The following DNAH7 variants were observed in gnomAD, a reference collection of about 807,000 sequenced individuals.
DNAH7 encodes the protein axonemal beta dynein heavy chain 7.
DNAH7 carries 397 observed loss-of-function variants against 444.6 expected under a neutral mutation model. That is an observed-to-expected ratio of 0.89 (90% CI 0.82 to 0.97). The LOEUF (loss-of-function observed/expected upper bound fraction) is 0.97. DNAH7 is among the 50% of genes least tolerant of loss of function. The probability of loss-of-function intolerance (pLI) is 0.00; values close to 1 mark genes in which losing one functional copy is unlikely to be tolerated. For missense variants in DNAH7, 4,902 were observed against 4,800.8 expected (o/e 1.02, Z -0.62); for synonymous variants, 1,636 against 1,624.4 (o/e 1.01, Z -0.17).
chr2:195,805,696 C>A (rs1003361283), intron 54 of DNAH7, among the ~76,000 whole-genome samples: 5 of 152,040 alleles, frequency 3.3e-5, no homozygotes, highest in Non-Finnish European at 5.9e-5. Flanking sequence ...GGATTATATT[C>A]TTCTGATTTT....
intron 56 of DNAH7, among the ~76,000 whole-genome samples, chr2:195,794,772 T>C (rs1696058094): frequency 6.6e-6 from 1 of 152,188 alleles, no homozygotes; most frequent in South Asian, 2.1e-4. Context: ...ATTCATATGA[T>C]TATAAAGTTT....
intron 20 of DNAH7, among the ~76,000 whole-genome samples, chr2:195,935,933 C>A (rs572695541): frequency 6.6e-6 from 1 of 152,074 alleles, no homozygotes; most frequent in African/African-American, 2.4e-5. Flanking sequence ...GCAGAGTGAG[C>A]AAGAAGACTA....
intron 1 of DNAH7, among the ~76,000 whole-genome samples, chr2:196,063,083 C>T (rs754857647): frequency 4.6e-5 from 7 of 152,040 alleles, no homozygotes; most frequent in South Asian, 2.1e-4. Context: ...GGTTTCGCTA[C>T]GTTAGCCAGG....
chr2:196,033,696 G>A (rs994648291), intron 5 of DNAH7, among the ~76,000 whole-genome samples: 8 of 152,044 alleles, frequency 5.3e-5, no homozygotes, highest in African/African-American at 1.9e-4. Flanking sequence ...ATCTGCTGAT[G>A]GACAGTCAGG....
chr2:195,983,159 A>G (rs1397634374), intron 15 of DNAH7, among the ~76,000 whole-genome samples: 1 of 152,226 alleles, frequency 6.6e-6, no homozygotes, highest in East Asian at 1.9e-4. Flanking sequence ...TTTTTGAATA[A>G]TAATGGAAAA....
At chr2:195,798,949 G>T (rs1432189054) in intron 55 of DNAH7, among the ~76,000 whole-genome samples, 2 of 152,092 alleles carry the variant, frequency 1.3e-5, no homozygotes, top group African/African-American at 4.8e-5. Context: ...ATCAGAAAAG[G>T]TGCACCCCTG....
chr2:196,052,264 C>T (rs566771321), intron 2 of DNAH7, among the ~76,000 whole-genome samples: 7 of 152,286 alleles, frequency 4.6e-5, no homozygotes, highest in Non-Finnish European at 1.0e-4. Context: ...GTTCCTTGAG[C>T]ACTCTCTCTC....
chr2:195,809,643 T>C, intron 52 of DNAH7, 102 bp downstream of exon 52: 1 of 1,110,902 alleles, frequency 9.0e-7, no homozygotes, highest in Non-Finnish European at 1.2e-6. Flanking sequence ...TATTATTGCT[T>C]AACTATTTAC....
At chr2:195,926,311 ATAAAG>A in intron 22 of DNAH7, 110 bp downstream of exon 22, 1 of 981,202 alleles carries the variant, frequency 1.0e-6, no homozygotes, top group Non-Finnish European at 1.4e-6. Flanking sequence ...GGCTTGCAGC[ATAAAG>A]TAGATTTTTA....
intron 63 of DNAH7, 92 bp from the exon 64 acceptor site, chr2:195,740,961 AG>A: frequency 1.7e-6 from 1 of 578,550 alleles, no homozygotes; most frequent in Non-Finnish European, 2.7e-6. Context: ...AGTACTATGC[AG>A]GTGATACTAG....
At chr2:195,777,111 T>C (rs960712053) in intron 59 of DNAH7, among the ~76,000 whole-genome samples, 1 of 152,196 alleles carries the variant, frequency 6.6e-6, no homozygotes, top group African/African-American at 2.4e-5. Context: ...GGTTACAGTA[T>C]GTGTTTCTGT....
rs560779497 is a variant in DNAH7 at position 195,867,035 on chromosome 2, TG to T, written c.6634-2015del. ...TGAGGCATCACTAGACATGTGGAACTGTAAGTCCAATAAACCTCTTTCTTTT... is the reference window on the plus strand; with the variant it reads ...TGAGGCATCACTAGACATGTGGAACTTAAGTCCAATAAACCTCTTTCTTTT... On this transcript the variant is annotated intron_variant, in intron 40 of 64. Transcript: ENST00000312428. Among the ~76,000 whole-genome samples, 69 of 152,350 alleles carry T rather than the reference TG, an allele frequency of 4.5e-4. 1 individual carries two copies. Among genetic ancestry groups the T allele is most frequent in the African/African-American group, 1.5e-3 (63 of 41,584 alleles).
At chr2:195,914,249 A>T (rs1024401196) in intron 24 of DNAH7, among the ~76,000 whole-genome samples, 5 of 152,256 alleles carry the variant, frequency 3.3e-5, no homozygotes, top group African/African-American at 1.2e-4. Flanking sequence ...CTACTAAAGT[A>T]TGTGGTATAT....
At chr2:195,918,245 A>C (rs1308241455) in intron 24 of DNAH7, among the ~76,000 whole-genome samples, 1 of 152,244 alleles carries the variant, frequency 6.6e-6, no homozygotes, top group African/African-American at 2.4e-5. Flanking sequence ...ATGCCACTAC[A>C]CATCTATTAG....
chr2:196,034,844 G>A (rs908554216), intron 5 of DNAH7, among the ~76,000 whole-genome samples: 1 of 152,122 alleles, frequency 6.6e-6, no homozygotes, highest in Non-Finnish European at 1.5e-5. Context: ...CAAAAATGAA[G>A]TTGAAATGTA....
At chr2:195,856,723 T>C (rs992986198) in intron 44 of DNAH7, among the ~76,000 whole-genome samples, 8 of 152,230 alleles carry the variant, frequency 5.3e-5, no homozygotes, top group African/African-American at 1.9e-4. Context: ...GCCAGTGGTT[T>C]TTAAAGTGTG....
At chr2:195,983,557 G>A (rs1220204857) in intron 15 of DNAH7, among the ~76,000 whole-genome samples, 1 of 152,102 alleles carries the variant, frequency 6.6e-6, no homozygotes, top group African/African-American at 2.4e-5. Context: ...TTACCATCAG[G>A]AAGGCACCAA....
At chr2:195,835,759 G>T (rs560954834) in intron 47 of DNAH7, among the ~76,000 whole-genome samples, 41 of 152,248 alleles carry the variant, frequency 2.7e-4, no homozygotes, top group African/African-American at 9.6e-4. Flanking sequence ...CAGGAGAATT[G>T]TTTGAACCAG....
intron 3 of DNAH7, 50 bp from the exon 4 acceptor site, chr2:196,048,454 CT>C (rs1364538670): frequency 2.0e-6 from 3 of 1,518,724 alleles, no homozygotes; most frequent in Non-Finnish European, 9.1e-7. Flanking sequence ...AGAAAAAAAC[CT>C]TTTTCCATGA....
Sources: gnomAD v4.1 joint callset for allele counts (sites outside exome capture counted in the v4.1 genomes callset) on GRCh38, gnomAD v4.1.1 for gene constraint, MANE v1.5 for transcripts, NCBI Gene and HGNC (gene_info 2026-07-23, HGNC 2026-07-21) for gene names.